Variants in SPON1 observed in about 807,000 individuals in gnomAD.
The protein encoded by SPON1 is spondin-1.
Under a neutral mutation model 111.7 loss-of-function variants are expected in SPON1, and 52 were observed. The ratio of observed to expected loss-of-function variants is 0.47; its 90% CI spans 0.37 to 0.59. The LOEUF is 0.59. SPON1 is among the 20% of genes least tolerant of loss of function. SPON1 has a pLI of 0.00. For missense variants in SPON1, 957 were observed against 1,068.5 expected, an observed-to-expected ratio of 0.90 and a Z score of 1.46; for synonymous variants, 410 against 395.8, an observed-to-expected ratio of 1.04 and a Z score of -0.43.
At chr11:14,106,743 G>T (rs543553247) in intron 5 of SPON1, among the ~76,000 whole-genome samples, 1 of 152,310 alleles carries the variant, frequency 6.6e-6, no homozygotes, top group East Asian at 1.9e-4. Context: ...AGTACTGGTA[G>T]CCCTGCAGTA....
intron 2 of SPON1, among the ~76,000 whole-genome samples, chr11:13,988,743 A>C (rs1347200133): frequency 6.6e-6 from 1 of 152,094 alleles, no homozygotes; most frequent in Non-Finnish European, 1.5e-5. Context: ...GTTTATTGAG[A>C]GTTTTTAGCA....
intron 2 of SPON1, among the ~76,000 whole-genome samples, chr11:14,020,590 C>A (rs1025262227): frequency 2.9e-4 from 44 of 152,154 alleles, no homozygotes; most frequent in African/African-American, 9.2e-4. Context: ...CCAATTTAGA[C>A]AAGTGGAGGC....
intron 6 of SPON1, among the ~76,000 whole-genome samples, chr11:14,167,353 A>G (rs1848042044): frequency 6.6e-6 from 1 of 152,124 alleles, no homozygotes; most frequent in Non-Finnish European, 1.5e-5. Flanking sequence ...GGTCATCATA[A>G]GTCATTCATT....
intron 2 of SPON1, among the ~76,000 whole-genome samples, chr11:13,996,984 T>G (rs2133790424): frequency 6.6e-6 from 1 of 152,288 alleles, no homozygotes; most frequent in East Asian, 1.9e-4. Flanking sequence ...AACACTGCAG[T>G]GAACACCGTA....
At chr11:14,173,426 C>T (rs1178429179) in intron 6 of SPON1, among the ~76,000 whole-genome samples, 1 of 152,010 alleles carries the variant, frequency 6.6e-6, no homozygotes, top group Non-Finnish European at 1.5e-5. Context: ...AATTGCTTTG[C>T]CATTGGTTCG....
In SPON1 at chr11:14,257,895, G is replaced by A. The variant is rs782473008; in HGVS notation, c.1489G>A (p.Glu497Lys). Residue 497 changes from glutamate (E) to lysine (K), a missense_variant, in exon 11 of 16, where the codon GAA becomes AAA. Glu to Lys is a moderately conservative substitution (Grantham distance 56). This residue lies in a region of SPON1 where 549 missense variants were observed against 606.2 expected (regional missense o/e 0.91). Transcript: ENST00000576479. ...QPCMGPGCSD[E>K]DGSTCTMSEW... ...CTGCATGGGCCCTGGCTGCAGTGAC[G>A]AAGGTGAGGAGACAACCCAGACCAG... The A allele has an allele frequency of 1.3e-5, 20 of 1,544,576 alleles. No homozygotes were observed. Among genetic ancestry groups the A allele is most frequent in the Middle Eastern group, 3.3e-4 (2 of 5,974 alleles).
chr11:14,165,622 T>G (rs562400540), intron 6 of SPON1, among the ~76,000 whole-genome samples: 1 of 152,316 alleles, frequency 6.6e-6, no homozygotes, highest in East Asian at 1.9e-4. Context: ...AAGCATTAGT[T>G]TGGGGACTTC....
chr11:14,022,976 C>T (rs1554914908), intron 2 of SPON1, among the ~76,000 whole-genome samples: 2 of 152,200 alleles, frequency 1.3e-5, no homozygotes, highest in African/African-American at 4.8e-5. Context: ...TCCCTCTTTT[C>T]CTTCCTAACT....
chr11:14,240,506 C>A (rs1554939551), intron 6 of SPON1, among the ~76,000 whole-genome samples: 1 of 151,558 alleles, frequency 6.6e-6, no homozygotes, highest in Non-Finnish European at 1.5e-5. Flanking sequence ...AGTTTCATCA[C>A]CATAAATAAA....
At chr11:14,236,365 G>T (rs1214358403) in intron 6 of SPON1, among the ~76,000 whole-genome samples, 2 of 152,096 alleles carry the variant, frequency 1.3e-5, no homozygotes, top group Non-Finnish European at 2.9e-5. Flanking sequence ...TGAAAGTACG[G>T]CATTGCCATG....
At chr11:14,242,249 A>G (rs782695237) in intron 6 of SPON1, among the ~76,000 whole-genome samples, 5 of 152,192 alleles carry the variant, frequency 3.3e-5, no homozygotes, top group African/African-American at 4.8e-5. Flanking sequence ...GTCACAATGC[A>G]TTCTAACTGC....
chr11:14,133,316 G>T (rs1287696525), intron 5 of SPON1, among the ~76,000 whole-genome samples: 1 of 152,204 alleles, frequency 6.6e-6, no homozygotes, highest in Non-Finnish European at 1.5e-5. Context: ...ACAGCACTAG[G>T]TGTTGGGCTG....
intron 2 of SPON1, among the ~76,000 whole-genome samples, chr11:13,996,168 T>C (rs1848270791): frequency 6.6e-6 from 1 of 152,134 alleles, no homozygotes; most frequent in South Asian, 2.1e-4. Flanking sequence ...AGTAAAAGTT[T>C]TTTTTTTTTA....
chr11:13,969,858 G>A (rs1848049009), intron 1 of SPON1, among the ~76,000 whole-genome samples: 1 of 152,232 alleles, frequency 6.6e-6, no homozygotes, highest in Non-Finnish European at 1.5e-5. Flanking sequence ...AGCATTGGAA[G>A]AGAGCAATGT....
chr11:14,206,415 A>G (rs1225112982), intron 6 of SPON1, among the ~76,000 whole-genome samples: 10 of 151,924 alleles, frequency 6.6e-5, no homozygotes, highest in African/African-American at 2.4e-4. Context: ...CTGGTCTCGA[A>G]CTCCTGACCT....
Position 14,260,709 on chromosome 11 carries a change from T to C in SPON1, c.1953T>C (p.Asn651=). 2 of 1,613,954 alleles carry C rather than the reference T, an allele frequency of 1.2e-6. No individual in the cohort carries two copies. Among genetic ancestry groups the C allele is most frequent in the African/African-American group, 1.3e-5 (1 of 75,018 alleles). Residue 651 remains asparagine, a synonymous_variant, in exon 14 of 16, where the codon AAT becomes AAC. Transcript: ENST00000576479. ...CTCTGGCAGAACTTGGAGACTGCAA[T>C]GAGGATCTGGAGCAGGTGGAGAAGT... is the stretch of plus-strand genomic sequence containing the variant. ...LKSLAELGDC[N]EDLEQVEKCM... is the part of the protein sequence containing the mutation.
chr11:13,992,083 A>ATGCTG (rs71313444), intron 2 of SPON1, among the ~76,000 whole-genome samples: 3,342 of 152,288 alleles, frequency 0.022, 48 homozygotes, highest in Non-Finnish European at 0.033. Flanking sequence ...CAGAACTTGA[A>ATGCTG]TGCTGTGCTG....
rs869043393 is a variant in SPON1, at chr11:14,161,295, T to TTA, written c.825+25737_825+25738dup. 1.5e-4 allele frequency among the ~76,000 whole-genome samples: 4 copies of TTA among 25,888 alleles called. 1 individual carries two copies. Among genetic ancestry groups the TTA allele is most frequent in the African/African-American group, 3.0e-4 (3 of 9,986 alleles). The allele number at this position is 25,888 out of a possible 152,430, so 17.0% of individuals were successfully genotyped here. ...TGTATATCTATATATATTTATATAT[T>TTA]TATATATATATTTTTTTATATCTAT... On this transcript the variant is annotated intron_variant, in intron 6 of 15. Transcript: ENST00000576479.
chr11:14,228,265 A>C lies in SPON1; in HGVS notation c.826-15067A>C, dbSNP rs1848761688. 6.6e-6 allele frequency among the ~76,000 whole-genome samples: 1 copy of C among 152,216 alleles called. No homozygotes were observed. The highest frequency in any genetic ancestry group is 1.5e-5 in the Non-Finnish European group (1 of 68,044). ...GACAACACATTGTTCAGGCAGCAGC[A>C]CACGTATCCTTTGGGCTTTACCTAG... On this transcript the variant is annotated intron_variant, in intron 6 of 15. Coordinates refer to ENST00000576479, the MANE Select transcript of SPON1 (RefSeq NM_006108.4). The surrounding 1 kb of genome is among the most constrained non-coding windows in gnomAD (Gnocchi z 4.2).
Sources: gnomAD v4.1 joint callset for allele counts (sites outside exome capture counted in the v4.1 genomes callset) on GRCh38, gnomAD v4.1.1 for gene constraint, gnomAD v4.1.1 regional missense constraint, Gnocchi (gnomAD v3.1) non-coding constraint, MANE v1.5 for transcripts, NCBI Gene and HGNC (gene_info 2026-07-23, HGNC 2026-07-21) for gene names.